Variants in RFC2 observed in about 807,000 individuals in gnomAD.
RFC2 encodes A1 40 kDa subunit.
In RFC2, 34 loss-of-function variants were observed where a neutral mutation model predicts 44.8. That is an observed-to-expected ratio of 0.76 (90% confidence interval 0.58 to 1.01). The LOEUF (loss-of-function observed/expected upper bound fraction) is 1.01. RFC2 is among the 50% of genes least tolerant of loss of function. RFC2 has a pLI of 0.00. For synonymous variants in RFC2, 177 were observed against 168.9 expected (o/e 1.05, Z -0.37); for missense variants, 400 against 453.6 (o/e 0.88, Z 1.07).
chr7:74,252,455 T>A lies in RFC2; in HGVS notation c.157A>T (p.Asn53Tyr). The part of the protein sequence containing the change: ...RPVKLNEIVG[N>Y]EDTVSRLEVF... ...TCTAGCCTGCTCACGGTGTCTTCAT[T>A]CCCGACAATTTCATTCAGCTTTACT... The change falls in exon 2 of 11, where the codon AAT becomes TAT. Residue 53 changes from asparagine (N) to tyrosine (Y), a missense_variant. Transcript: ENST00000055077. 1.2e-6 allele frequency: 2 copies of A among 1,608,078 alleles called. No homozygotes were observed. Among genetic ancestry groups the A allele is most frequent in the Non-Finnish European group, 1.7e-6 (2 of 1,175,162 alleles).
intron 10 of RFC2, 114 bp downstream of exon 10, chr7:74,235,418 G>A (rs781805356): frequency 2.4e-5 from 18 of 736,828 alleles, no homozygotes; most frequent in Admixed American, 8.9e-5. Flanking sequence ...CTGACCTCAG[G>A]TGATCTGCCC....
chr7:74,232,051 C>T lies in RFC2; in HGVS notation c.*55G>A, dbSNP rs535932724. 44 of 1,055,648 alleles carry T rather than the reference C, an allele frequency of 4.2e-5. No individual in the cohort carries two copies. The Admixed American group carries it at 4.4e-4, about 11-fold the overall frequency. The allele number at this position is 1,055,648 out of a possible 1,614,324, so 65.4% of individuals were successfully genotyped here. On this transcript the variant is annotated 3_prime_UTR_variant, in exon 11 of 11. Transcript: ENST00000055077. ...GGCATTTTCCCCCATCAGAAAGCCG[C>T]GGCTCCTGTACCTCAGAATAGGGCA...
chr7:74,249,775 A>G lies in RFC2; in HGVS notation c.189T>C (p.Phe63=). 1 of 1,613,684 alleles carries G rather than the reference A, an allele frequency of 6.2e-7. No homozygotes were observed. Residue 63 remains phenylalanine, a synonymous_variant, in exon 3 of 11, where the codon TTT becomes TTC. Transcript: ENST00000055077. ...NEDTVSRLEV[F]AREGNVPNII... ...TGTTGGGCACATTTCCTTCCCTTGC[A>G]AAGACCTACGGCGAAAATGATCATT...
chr7:74,250,454 A>G (rs1458563159), intron 2 of RFC2, among the ~76,000 whole-genome samples: 1 of 151,846 alleles, frequency 6.6e-6, no homozygotes, highest in Non-Finnish European at 1.5e-5. Context: ...CGGCATCTTC[A>G]AAACTGAACA....
chr7:74,254,078 CAG>C lies in RFC2; in HGVS notation c.113+191_113+192del, dbSNP rs1165952806. ...ATTGTAGTGAGCGAGACTCCGCTCG[CAG>C]AGTTTAGACCGGCCACTCTCGATCC... On this transcript the variant is annotated intron_variant, in intron 1 of 10. Transcript: ENST00000055077. 6.6e-5 allele frequency among the ~76,000 whole-genome samples: 10 copies of C among 152,120 alleles called. No homozygotes were observed. In the South Asian group the frequency reaches 1.7e-3, roughly 25 times the overall value.
rs3135683 is a variant in RFC2, at chr7:74,239,278, C to T, written c.694-290G>A. On this transcript the variant is annotated intron_variant, in intron 7 of 10. Transcript: ENST00000055077. ...GCAATCTCCGTATCCCAGGTTCAAG[C>T]GATTCTTCTGCCTCGGCCTCCTGAG... Among the ~76,000 whole-genome samples the T allele has an allele frequency of 2.2e-3, 330 of 149,294 alleles. 1 individual carries two copies. Among genetic ancestry groups the T allele is most frequent in the African/African-American group, 7.8e-3 (317 of 40,418 alleles).
At chr7:74,233,043 G>A (rs914502065) in intron 10 of RFC2, among the ~76,000 whole-genome samples, 7 of 151,290 alleles carry the variant, frequency 4.6e-5, no homozygotes, top group African/African-American at 9.7e-5. Flanking sequence ...CAAACTCTAC[G>A]AAAAAAAGAA....
At position 74,254,362 on chromosome 7, in the gene RFC2, C is replaced by T; in HGVS notation, c.22G>A (p.Gly8Ser). 1 of 1,608,138 alleles carries T rather than the reference C, an allele frequency of 6.2e-7. No homozygotes were observed. The highest frequency in any genetic ancestry group is 8.5e-7 in the Non-Finnish European group (1 of 1,177,302). Residue 8 changes from glycine to serine, a missense_variant, in exon 1 of 11, where the codon GGT becomes AGT. Transcript: ENST00000055077. Reference protein sequence around the residue: MEVEAVCGGAGEVEAQDS... With the variant: MEVEAVCSGAGEVEAQDS... ...TGGGCCTCCACCTCGCCCGCGCCAC[C>T]ACAGACGGCCTCCACCTCCATTCTC... is the stretch of plus-strand genomic sequence containing the variant.
chr7:74,252,487 T>A lies in RFC2; in HGVS notation c.125A>T (p.Tyr42Phe). The change falls in exon 2 of 11, where the codon TAT becomes TTT. Residue 42 changes from tyrosine (Y) to phenylalanine (F), a missense_variant. Physicochemically the swap from Tyr to Phe is conservative, Grantham distance 22. Coordinates refer to ENST00000055077, the MANE Select transcript of RFC2 (RefSeq NM_181471.3). ...GHYELPWVEK[Y>F]RPVKLNEIVG... The stretch of plus-strand genomic sequence containing the variant: ...AATTTCATTCAGCTTTACTGGCCTA[T>A]ATTTTTCAACCCTGTTAAGAAAATG... 2.5e-6 allele frequency: 4 copies of A among 1,601,114 alleles called. No individual in the cohort carries two copies. Among genetic ancestry groups the A allele is most frequent in the South Asian group, 2.2e-5 (2 of 90,818 alleles).
At chr7:74,240,410 G>A (rs1470655718) in intron 6 of RFC2, among the ~76,000 whole-genome samples, 1 of 150,772 alleles carries the variant, frequency 6.6e-6, no homozygotes, top group Non-Finnish European at 1.5e-5. Context: ...GCTAAGGCAA[G>A]AGACTCGCTT....
chr7:74,232,263 CT>C (rs781881237), intron 10 of RFC2, 47 bp from the exon 11 acceptor site: 2 of 1,004,620 alleles, frequency 2.0e-6, no homozygotes, highest in Non-Finnish European at 3.1e-6. Context: ...TGGGGGAGTT[CT>C]TTTTTAAAAT....
rs191155214 is a variant in RFC2, at chr7:74,252,174, G to A, written c.183+255C>T. 6.6e-3 allele frequency among the ~76,000 whole-genome samples: 986 copies of A among 148,552 alleles called. 14 individuals carry two copies. The highest frequency in any genetic ancestry group is 0.021 in the African/African-American group (834 of 40,302). ...TGTAATCCCAGCACTTTGGGAGGCC[G>A]AGGCGGGAGGATCATGAGGTCAGGA... On this transcript the variant is annotated intron_variant, in intron 2 of 10. Coordinates refer to ENST00000055077, the MANE Select transcript of RFC2 (RefSeq NM_181471.3).
chr7:74,246,202 A>AAAAT (rs1803595159), intron 5 of RFC2, among the ~76,000 whole-genome samples: 1 of 148,922 alleles, frequency 6.7e-6, no homozygotes, highest in African/African-American at 2.6e-5. Context: ...TCTCAAAAAA[A>AAAAT]AAATAAATAA....
chr7:74,244,188 A>T (rs1446160343), intron 5 of RFC2, among the ~76,000 whole-genome samples: 1 of 151,400 alleles, frequency 6.6e-6, no homozygotes, highest in African/African-American at 2.4e-5. Context: ...GAATCACTTG[A>T]ATCCAGGAGG....
chr7:74,235,241 T>C (rs1802942986), intron 10 of RFC2, among the ~76,000 whole-genome samples: 1 of 152,258 alleles, frequency 6.6e-6, no homozygotes. Flanking sequence ...TTTGCCATGT[T>C]GGCCAGGCTG....
chr7:74,241,151 G>A (rs574814575), intron 6 of RFC2, among the ~76,000 whole-genome samples: 3 of 151,966 alleles, frequency 2.0e-5, no homozygotes, highest in African/African-American at 4.8e-5. Flanking sequence ...GGTTGGTCTC[G>A]AACTCCAGAC....
chr7:74,237,533 G>T (rs545571841), intron 8 of RFC2, 91 bp from the exon 9 acceptor site: 10 of 678,264 alleles, frequency 1.5e-5, no homozygotes, highest in African/African-American at 1.1e-4. Flanking sequence ...GCAATCTATG[G>T]GTAAAACTTC....
At position 74,249,574 on chromosome 7, in the gene RFC2, T is replaced by C. The variant is rs564193961; in HGVS notation, c.225+165A>G. 4.0e-3 allele frequency among the ~76,000 whole-genome samples: 601 copies of C among 151,408 alleles called. 3 individuals carry two copies. The highest frequency in any genetic ancestry group is 5.2e-3 in the Non-Finnish European group (355 of 67,820). On this transcript the variant is annotated intron_variant, in intron 3 of 10. Coordinates refer to ENST00000055077, the MANE Select transcript of RFC2 (RefSeq NM_181471.3). Reference sequence around the variant, plus strand: ...AAATAAATAAATAAATAAAAAAAAATACAGCAACCAACCCCAGGCCTCCCA... The same window carrying C: ...AAATAAATAAATAAATAAAAAAAAACACAGCAACCAACCCCAGGCCTCCCA...
At chr7:74,237,483 G>T in intron 8 of RFC2, 41 bp from the exon 9 acceptor site, 2 of 1,390,564 alleles carry the variant, frequency 1.4e-6, no homozygotes, top group Non-Finnish European at 2.0e-6. Flanking sequence ...GGCTAGAAGG[G>T]ACAATGTGAG....
Sources: allele counts gnomAD v4.1 joint callset (sites outside exome capture counted in the v4.1 genomes callset), GRCh38; gene constraint gnomAD v4.1.1; transcripts MANE v1.5; gene names NCBI Gene and HGNC (gene_info 2026-07-23, HGNC 2026-07-21).